Variants in ADGRL3 observed in about 807,000 individuals in gnomAD.
The protein encoded by ADGRL3 is adhesion G protein-coupled receptor L3, also known as calcium-independent alpha-latrotoxin receptor 3.
ADGRL3 carries 62 observed loss-of-function variants against 153.5 expected under a neutral mutation model. The ratio of observed to expected loss-of-function variants is 0.40; its 90% CI spans 0.33 to 0.50. The LOEUF (loss-of-function observed/expected upper bound fraction) is 0.50, where lower values mean the gene tolerates loss of function less well. Ranked by LOEUF, ADGRL3 falls within the 20% of genes least tolerant of loss-of-function variation. The pLI is 0.47. For missense variants in ADGRL3, 1,641 were observed against 1,859.4 expected (o/e 0.88, Z 2.16); for synonymous variants, 710 against 672.5 (o/e 1.06, Z -0.86).
At chr4:61,344,747 T>C (rs979728331) in intron 1 of ADGRL3, among the ~76,000 whole-genome samples, 1 of 152,226 alleles carries the variant, frequency 6.6e-6, no homozygotes, top group Middle Eastern at 3.4e-3. Context: ...ACATCTCTTT[T>C]GCTTGTTTAC....
At chr4:61,636,776 G>A (rs187046771) in intron 5 of ADGRL3, among the ~76,000 whole-genome samples, 2 of 150,620 alleles carry the variant, frequency 1.3e-5, no homozygotes, top group East Asian at 1.9e-4. Flanking sequence ...AGATATATAG[G>A]CAAATACATA....
intron 9 of ADGRL3, among the ~76,000 whole-genome samples, chr4:61,876,180 C>T (rs940053439): frequency 1.3e-5 from 2 of 151,658 alleles, no homozygotes; most frequent in African/African-American, 4.9e-5. Context: ...ACATGTATAT[C>T]AAATATTTAA....
intron 17 of ADGRL3, among the ~76,000 whole-genome samples, chr4:61,955,211 A>G (rs2098961664): frequency 6.6e-6 from 1 of 152,190 alleles, no homozygotes; most frequent in Non-Finnish European, 1.5e-5. Flanking sequence ...ATAAGAAAAT[A>G]CTGAGTAACT....
At chr4:61,424,322 G>A (rs774343983) in intron 2 of ADGRL3, among the ~76,000 whole-genome samples, 7 of 152,016 alleles carry the variant, frequency 4.6e-5, no homozygotes, top group South Asian at 4.2e-4. Flanking sequence ...CTTGACTGCC[G>A]CACAGCCATT....
At chr4:61,891,059 G>A (rs369827506) in intron 9 of ADGRL3, among the ~76,000 whole-genome samples, 4 of 152,174 alleles carry the variant, frequency 2.6e-5, no homozygotes, top group African/African-American at 9.6e-5. Context: ...TGTGTTATAT[G>A]TTCAGTGTCA....
intron 1 of ADGRL3, among the ~76,000 whole-genome samples, chr4:61,324,283 T>G (rs1438523317): frequency 6.6e-6 from 1 of 152,184 alleles, no homozygotes; most frequent in Non-Finnish European, 1.5e-5. Flanking sequence ...TGACATTTTC[T>G]GTATACACAT....
intron 8 of ADGRL3, among the ~76,000 whole-genome samples, chr4:61,769,598 T>A (rs796538729): frequency 7.9e-5 from 12 of 152,130 alleles, no homozygotes; most frequent in African/African-American, 2.9e-4. Flanking sequence ...GCAACATGGC[T>A]GTTGCTCACT....
intron 8 of ADGRL3, among the ~76,000 whole-genome samples, chr4:61,754,008 GA>G (rs2096789348): frequency 1.3e-5 from 2 of 152,138 alleles, no homozygotes; most frequent in Admixed American, 6.6e-5. Flanking sequence ...AATGTATTTG[GA>G]GGTTCCTGAG....
intron 8 of ADGRL3, 86 bp from the exon 9 acceptor site, chr4:61,813,723 G>A (rs984743986): frequency 1.3e-6 from 2 of 1,484,126 alleles, no homozygotes; most frequent in African/African-American, 2.8e-5. Flanking sequence ...AGTTTGGAGT[G>A]AAATAGTGTT....
chr4:62,064,775 G>A (rs1742093968), intron 25 of ADGRL3, among the ~76,000 whole-genome samples: 1 of 151,816 alleles, frequency 6.6e-6, no homozygotes, highest in Admixed American at 6.6e-5. Flanking sequence ...GTTAAAACAA[G>A]GCCATTGTGT....
intron 4 of ADGRL3, among the ~76,000 whole-genome samples, chr4:61,539,232 C>T (rs536274888): frequency 1.1e-4 from 16 of 152,284 alleles, no homozygotes; most frequent in African/African-American, 2.2e-4. Context: ...GTGCAGCTGC[C>T]GCAAAATGCA....
At chr4:61,694,999 C>T (rs2095614356) in intron 6 of ADGRL3, among the ~76,000 whole-genome samples, 1 of 152,152 alleles carries the variant, frequency 6.6e-6, no homozygotes, top group African/African-American at 2.4e-5. Flanking sequence ...TCTTCAGGCT[C>T]CACTTCTAGT....
chr4:61,254,471 A>G (rs1172051325), intron 1 of ADGRL3, among the ~76,000 whole-genome samples: 1 of 152,196 alleles, frequency 6.6e-6, no homozygotes, highest in African/African-American at 2.4e-5. Context: ...ATAAATAAGA[A>G]TGACATGACT....
At chr4:61,553,995 A>G (rs1282004327) in intron 4 of ADGRL3, among the ~76,000 whole-genome samples, 2 of 152,068 alleles carry the variant, frequency 1.3e-5, no homozygotes, top group African/African-American at 4.8e-5. Flanking sequence ...CTGCCGGAGA[A>G]CAGAGGAGAA....
At chr4:61,340,715 T>A (rs1266514749) in intron 1 of ADGRL3, among the ~76,000 whole-genome samples, 1 of 152,070 alleles carries the variant, frequency 6.6e-6, no homozygotes, top group African/African-American at 2.4e-5. Context: ...CTTTTGAAGC[T>A]AATTTACTAG....
At chr4:61,505,444 A>G (rs1340838758) in intron 3 of ADGRL3, among the ~76,000 whole-genome samples, 2 of 152,114 alleles carry the variant, frequency 1.3e-5, no homozygotes, top group Admixed American at 1.3e-4. Context: ...TTATTTTTAT[A>G]GGAGACCTGT....
intron 1 of ADGRL3, among the ~76,000 whole-genome samples, chr4:61,230,806 G>T (rs979819754): frequency 6.6e-6 from 1 of 152,192 alleles, no homozygotes; most frequent in African/African-American, 2.4e-5. Flanking sequence ...ATAGGAGTTT[G>T]TATCCTGATT....
chr4:61,751,642 A>T (rs1345477242), intron 8 of ADGRL3, among the ~76,000 whole-genome samples: 1 of 152,166 alleles, frequency 6.6e-6, no homozygotes, highest in African/African-American at 2.4e-5. Context: ...TTATTGGAGG[A>T]TTAGTAAGAT....
chr4:62,024,244 A>G (rs1012312730), intron 21 of ADGRL3, among the ~76,000 whole-genome samples: 1 of 152,146 alleles, frequency 6.6e-6, no homozygotes, highest in Non-Finnish European at 1.5e-5. Context: ...CATAAGCAGC[A>G]CACAATCTAT....
Sources: allele counts gnomAD v4.1 joint callset (sites outside exome capture counted in the v4.1 genomes callset), GRCh38; gene constraint gnomAD v4.1.1; transcripts MANE v1.5; gene names NCBI Gene and HGNC (gene_info 2026-07-23, HGNC 2026-07-21).